BMP2K: variants seen among roughly 807,000 people sequenced by gnomAD.
BMP2K encodes BMP2 inducible kinase, also known as BMP-2-inducible protein kinase.
In BMP2K, 74 loss-of-function variants were observed where a neutral mutation model predicts 116.0. The observed-to-expected ratio is 0.64, with a 90% CI of 0.53 to 0.77. The LOEUF is 0.77. Among genes scored for constraint, BMP2K ranks in the 30% least tolerant of loss-of-function variants. The pLI is 0.00. For synonymous variants in BMP2K, 486 were observed against 502.5 expected, an observed-to-expected ratio of 0.97 and a Z score of 0.44; for missense variants, 1,365 against 1,403.6, an observed-to-expected ratio of 0.97 and a Z score of 0.44.
Position 78,859,271 on chromosome 4 carries a change from C to G in BMP2K, c.884-313C>G. 9.9e-6 allele frequency: 2 copies of G among 201,934 alleles called. 1 individual carries two copies. The highest frequency in any genetic ancestry group is 1.2e-4 in the Admixed American group (2 of 16,930). The allele number at this position is 201,934 out of a possible 1,614,324, so 12.5% of individuals were successfully genotyped here. ...CTTTTTACTATGGCCTTGGAACTTT[C>G]TTGAATAATTCCCCAGTGTTCACTA... On this transcript the variant is annotated intron_variant, in intron 7 of 15. Coordinates refer to ENST00000502613, the MANE Select transcript of BMP2K (RefSeq NM_198892.2).
chr4:78,899,663 T>A (rs968308897), intron 15 of BMP2K, among the ~76,000 whole-genome samples: 30 of 152,096 alleles, frequency 2.0e-4, no homozygotes, highest in African/African-American at 6.8e-4. Flanking sequence ...GAATTTTTTT[T>A]TTTTTTCCCA....
At chr4:78,807,543 T>C (rs1384609755) in intron 1 of BMP2K, among the ~76,000 whole-genome samples, 1 of 152,050 alleles carries the variant, frequency 6.6e-6, no homozygotes, top group Non-Finnish European at 1.5e-5. Flanking sequence ...AGCCATCTAG[T>C]CTTGGGCTTT....
chr4:78,842,279 A>C, intron 3 of BMP2K, 106 bp from the exon 4 acceptor site: 6 of 987,730 alleles, frequency 6.1e-6, no homozygotes, highest in Non-Finnish European at 7.1e-6. Flanking sequence ...GAATTATGAA[A>C]AAGCCAATTT....
chr4:78,833,121 TA>T (rs1181042266), intron 2 of BMP2K, among the ~76,000 whole-genome samples: 1 of 152,088 alleles, frequency 6.6e-6, no homozygotes, highest in African/African-American at 2.4e-5. Flanking sequence ...TTCATTTTTT[TA>T]GGTTATTTAG....
intron 1 of BMP2K, among the ~76,000 whole-genome samples, chr4:78,824,751 G>A (rs1487650969): frequency 6.6e-6 from 1 of 152,098 alleles, no homozygotes; most frequent in African/African-American, 2.4e-5. Flanking sequence ...TAATGCAAGT[G>A]ACATACCATT....
intron 10 of BMP2K, among the ~76,000 whole-genome samples, chr4:78,867,177 A>G (rs1039837259): frequency 7.9e-5 from 12 of 152,028 alleles, no homozygotes; most frequent in Non-Finnish European, 1.8e-4. Flanking sequence ...GTCTCAAAAA[A>G]AAAAAAGAAA....
chr4:78,891,279 T>C (rs1350020984), intron 15 of BMP2K, among the ~76,000 whole-genome samples: 1 of 152,152 alleles, frequency 6.6e-6, no homozygotes, highest in Non-Finnish European at 1.5e-5. Context: ...CTCTTTTTCT[T>C]ATTCCTGCTC....
rs1553915806 is a variant in BMP2K, at chr4:78,829,753, A to ATCCTTTTCTTT, written c.297+3600_297+3601insCTTTTCTTTTC. Among the ~76,000 whole-genome samples, 209 of 121,852 alleles carry ATCCTTTTCTTT rather than the reference A, an allele frequency of 1.7e-3. 2 individuals carry two copies. The highest frequency in any genetic ancestry group is 6.8e-3 in the African/African-American group (198 of 28,922). The allele number at this position is 121,852 out of a possible 152,430, so 79.9% of individuals were successfully genotyped here. A position where few individuals can be genotyped will look rare whatever the true frequency, so the allele number is the denominator to read the frequency against. On this transcript the variant is annotated intron_variant, in intron 2 of 15. Coordinates refer to ENST00000502613, the MANE Select transcript of BMP2K (RefSeq NM_198892.2). ...TGTTGTGTTAGCAGGCATGGAAACA[A>ATCCTTTTCTTT]TCTTTTCTTTTCTTTTCTTTTCTTT...
At chr4:78,834,104 T>C (rs183504116) in intron 3 of BMP2K, among the ~76,000 whole-genome samples, 20 of 152,316 alleles carry the variant, frequency 1.3e-4, no homozygotes, top group African/African-American at 4.8e-4. Context: ...CTATAGACTT[T>C]ATAAACCTGT....
chr4:78,871,169 G>A (rs1160399639), intron 11 of BMP2K, 109 bp downstream of exon 11: 14 of 1,508,540 alleles, frequency 9.3e-6, no homozygotes, highest in Non-Finnish European at 8.8e-7. Context: ...CTAGATTTGA[G>A]TAAACACTTT....
At chr4:78,851,120 ATTCCT>A (rs1174486059) in intron 7 of BMP2K, 64 bp downstream of exon 7, 16 of 1,382,208 alleles carry the variant, frequency 1.2e-5, no homozygotes, top group Middle Eastern at 2.3e-4. Flanking sequence ...TACTATTTAC[ATTCCT>A]TTACTTAAAT....
intron 15 of BMP2K, among the ~76,000 whole-genome samples, chr4:78,908,412 C>T (rs1194413986): frequency 1.3e-5 from 2 of 152,164 alleles, no homozygotes; most frequent in Non-Finnish European, 2.9e-5. Flanking sequence ...TGTTTTCTTC[C>T]TCCTCTCTGG....
intron 7 of BMP2K, among the ~76,000 whole-genome samples, chr4:78,852,967 T>A (rs941881080): frequency 3.9e-5 from 6 of 152,180 alleles, no homozygotes; most frequent in Admixed American, 2.6e-4. Flanking sequence ...TTTATTTCAG[T>A]GTCTCTGTGT....
chr4:78,795,331 G>T (rs944223681), intron 1 of BMP2K, among the ~76,000 whole-genome samples: 2 of 152,144 alleles, frequency 1.3e-5, no homozygotes, highest in Non-Finnish European at 2.9e-5. Context: ...TAACTGTTGT[G>T]AGATAATTGC....
intron 7 of BMP2K, among the ~76,000 whole-genome samples, chr4:78,854,390 C>T (rs1238741132): frequency 6.6e-6 from 1 of 152,042 alleles, no homozygotes; most frequent in African/African-American, 2.4e-5. Context: ...TCTCCTGCCA[C>T]AGCCTCCTGA....
At position 78,825,774 on chromosome 4, in the gene BMP2K, G is replaced by T. The variant is rs1186823777; in HGVS notation, c.179-263G>T. Among the ~76,000 whole-genome samples the T allele has an allele frequency of 2.0e-5, 3 of 152,136 alleles. No individual in the cohort carries two copies. The East Asian group carries it at 5.8e-4, about 29-fold the overall frequency. On this transcript the variant is annotated intron_variant, in intron 1 of 15. Coordinates refer to ENST00000502613, the MANE Select transcript of BMP2K (RefSeq NM_198892.2). ...CATTTTTCACTATACTACATAAAAGGTATTCTAGTGCAAAAGGTGAAATTT... is the reference window on the plus strand; with the variant it reads ...CATTTTTCACTATACTACATAAAAGTTATTCTAGTGCAAAAGGTGAAATTT...
intron 9 of BMP2K, among the ~76,000 whole-genome samples, chr4:78,863,013 GT>G (rs1241268107): frequency 6.6e-6 from 1 of 151,816 alleles, no homozygotes; most frequent in East Asian, 1.9e-4. Flanking sequence ...GAGAAAGTAG[GT>G]GCAGATTTTT....
chr4:78,900,913 T>C (rs1733966509), intron 15 of BMP2K, among the ~76,000 whole-genome samples: 2 of 152,174 alleles, frequency 1.3e-5, no homozygotes, highest in South Asian at 4.1e-4. Context: ...ATTTGCCTTT[T>C]ATGGCAGGTT....
At chr4:78,850,030 T>C (rs1731173186) in intron 6 of BMP2K, among the ~76,000 whole-genome samples, 1 of 151,746 alleles carries the variant, frequency 6.6e-6, no homozygotes, top group Non-Finnish European at 1.5e-5. Flanking sequence ...CTGATATAAG[T>C]GTATACTAAC....
Sources: gnomAD v4.1 joint callset for allele counts (sites outside exome capture counted in the v4.1 genomes callset) on GRCh38, gnomAD v4.1.1 for gene constraint, MANE v1.5 for transcripts, NCBI Gene and HGNC (gene_info 2026-07-23, HGNC 2026-07-21) for gene names.